FNDC3B: variants seen among roughly 807,000 people sequenced by gnomAD.
The protein encoded by FNDC3B is fibronectin type III domain-containing protein 3B.
Under a neutral mutation model 151.5 loss-of-function variants are expected in FNDC3B, and 12 were observed. The ratio of observed to expected loss-of-function variants is 0.08; its 90% CI spans 0.05 to 0.13. The LOEUF (loss-of-function observed/expected upper bound fraction) is 0.13, where lower values mean the gene tolerates loss of function less well. FNDC3B is among the 10% of genes least tolerant of loss of function. The pLI, the probability that FNDC3B is intolerant of heterozygous loss-of-function variation, is 1.00. For synonymous variants in FNDC3B, 528 were observed against 549.0 expected (o/e 0.96, Z 0.54); for missense variants, 1,214 against 1,505.3 (o/e 0.81, Z 3.20).
intron 2 of FNDC3B, among the ~76,000 whole-genome samples, chr3:172,129,406 G>A (rs6763884): frequency 0.51 from 77,921 of 152,048 alleles, 21,536 homozygotes; most frequent in Non-Finnish European, 0.63. Context: ...TGGTTAATCA[G>A]CCACCCAAGG....
chr3:172,367,246 A>G (rs1576951053), intron 23 of FNDC3B, among the ~76,000 whole-genome samples: 2 of 150,498 alleles, frequency 1.3e-5, no homozygotes, highest in Non-Finnish European at 2.9e-5. Flanking sequence ...GTTCATTTCA[A>G]TGATAAGATT....
At chr3:172,263,176 A>G (rs569573975) in intron 6 of FNDC3B, among the ~76,000 whole-genome samples, 2 of 151,758 alleles carry the variant, frequency 1.3e-5, no homozygotes, top group Non-Finnish European at 2.9e-5. Flanking sequence ...TGAAAGCAAC[A>G]TGAGGAAGTG....
chr3:172,316,830 G>T (rs1418259667), intron 11 of FNDC3B, among the ~76,000 whole-genome samples: 5 of 152,190 alleles, frequency 3.3e-5, no homozygotes, highest in African/African-American at 9.7e-5. Context: ...CATCCATTTT[G>T]TGCTGCTGTA....
At chr3:172,297,285 A>C (rs1415934624) in intron 8 of FNDC3B, among the ~76,000 whole-genome samples, 3 of 152,242 alleles carry the variant, frequency 2.0e-5, no homozygotes, top group African/African-American at 7.2e-5. Context: ...CACAGCTTCC[A>C]GTTTTCAACT....
intron 2 of FNDC3B, among the ~76,000 whole-genome samples, chr3:172,131,262 G>A (rs931132573): frequency 2.6e-5 from 4 of 152,036 alleles, no homozygotes; most frequent in Non-Finnish European, 4.4e-5. Flanking sequence ...GCGTGGTGGT[G>A]CAGGCCTGTA....
intron 4 of FNDC3B, among the ~76,000 whole-genome samples, chr3:172,229,256 G>A (rs1726764569): frequency 6.6e-6 from 1 of 152,100 alleles, no homozygotes; most frequent in Non-Finnish European, 1.5e-5. Context: ...TTACTTTCTT[G>A]TTCAGGTCTA....
intron 1 of FNDC3B, among the ~76,000 whole-genome samples, chr3:172,087,172 G>C (rs1718588765): frequency 6.6e-6 from 1 of 152,120 alleles, no homozygotes; most frequent in South Asian, 2.1e-4. Context: ...TTTTTGAAAA[G>C]AATTGATTTC....
chr3:172,273,041 C>T (rs764915862), intron 6 of FNDC3B, among the ~76,000 whole-genome samples: 4 of 152,118 alleles, frequency 2.6e-5, no homozygotes, highest in Admixed American at 1.3e-4. Context: ...CAAGTACGAT[C>T]GTTTAATTGT....
At chr3:172,321,539 G>GT in intron 11 of FNDC3B, 2 of 171,638 alleles carry the variant, frequency 1.2e-5, no homozygotes, top group South Asian at 1.5e-4. Context: ...TTTTGTTTTT[G>GT]TTTTGTTTTG....
At chr3:172,069,103 T>A (rs1029575278) in intron 1 of FNDC3B, among the ~76,000 whole-genome samples, 1 of 152,198 alleles carries the variant, frequency 6.6e-6, no homozygotes, top group Non-Finnish European at 1.5e-5. Flanking sequence ...GTTATTTAGG[T>A]CAGCTTCTTG....
intron 3 of FNDC3B, among the ~76,000 whole-genome samples, chr3:172,206,783 C>T (rs551140120): frequency 4.6e-5 from 7 of 151,510 alleles, no homozygotes; most frequent in South Asian, 2.1e-4. Context: ...GTATAAACAC[C>T]GACTGACTGA....
At position 172,230,188 on chromosome 3, in the gene FNDC3B, G is replaced by C. The variant is rs957372253; in HGVS notation, c.264+3241G>C. Among the ~76,000 whole-genome samples, 3 of 152,104 alleles carry C rather than the reference G, an allele frequency of 2.0e-5. No homozygotes were observed. In the East Asian group the frequency reaches 5.8e-4, roughly 29 times the overall value. ...AATGAAAAATTTTTGTGCCTCAAAG[G>C]ACACCATTAAAAAGTGGAAAGAGGC... On this transcript the variant is annotated intron_variant, in intron 4 of 25. Transcript: ENST00000415807.
At chr3:172,394,708 AG>A (rs1217325714) in intron 25 of FNDC3B, among the ~76,000 whole-genome samples, 2 of 152,190 alleles carry the variant, frequency 1.3e-5, no homozygotes, top group African/African-American at 4.8e-5. Context: ...GTAAATGAGG[AG>A]GGAATACTTC....
At chr3:172,334,328 C>T (rs1474898982) in intron 14 of FNDC3B, among the ~76,000 whole-genome samples, 1 of 105,512 alleles carries the variant, frequency 9.5e-6, no homozygotes, top group Non-Finnish European at 1.9e-5. Context: ...TCCCCCCCCC[C>T]ACCCCCATAT....
At chr3:172,154,096 T>C (rs915915968) in intron 3 of FNDC3B, among the ~76,000 whole-genome samples, 1 of 152,190 alleles carries the variant, frequency 6.6e-6, no homozygotes, top group Non-Finnish European at 1.5e-5. Context: ...TTGAGTTTGC[T>C]TATTTGAAGG....
Position 172,281,393 on chromosome 3 carries a change from C to T in FNDC3B, c.791-4533C>T, listed in dbSNP as rs116091017. On this transcript the variant is annotated intron_variant, in intron 6 of 25. Transcript: ENST00000415807. ...CTGAGTAGTTGGGATTGCAGGTGTGCGCCACCACGCCCGGCTAATGCCATT... is the reference window on the plus strand; with the variant it reads ...CTGAGTAGTTGGGATTGCAGGTGTGTGCCACCACGCCCGGCTAATGCCATT... Among the ~76,000 whole-genome samples the T allele has an allele frequency of 6.6e-3, 1,003 of 152,122 alleles. 14 individuals are homozygous for T. The highest frequency in any genetic ancestry group is 0.023 in the African/African-American group (954 of 41,504).
intron 3 of FNDC3B, among the ~76,000 whole-genome samples, chr3:172,214,144 G>A (rs1725863869): frequency 6.6e-6 from 1 of 152,082 alleles, no homozygotes; most frequent in Non-Finnish European, 1.5e-5. Context: ...TTGATCAGAC[G>A]CCAAACACTT....
intron 6 of FNDC3B, among the ~76,000 whole-genome samples, chr3:172,259,811 C>T (rs1006073879): frequency 6.6e-6 from 1 of 152,162 alleles, no homozygotes; most frequent in African/African-American, 2.4e-5. Flanking sequence ...AAGATGTTTA[C>T]TACATGATTC....
At chr3:172,066,911 T>C (rs1193917975) in intron 1 of FNDC3B, among the ~76,000 whole-genome samples, 1 of 152,210 alleles carries the variant, frequency 6.6e-6, no homozygotes, top group South Asian at 2.1e-4. Flanking sequence ...AGTGTAAAAA[T>C]TTTTGTTGCT....
Sources: allele counts gnomAD v4.1 joint callset (sites outside exome capture counted in the v4.1 genomes callset), GRCh38; gene constraint gnomAD v4.1.1; transcripts MANE v1.5; gene names NCBI Gene and HGNC (gene_info 2026-07-23, HGNC 2026-07-21).